TNR: variants seen among roughly 807,000 people sequenced by gnomAD.
TNR encodes tenascin R.
Under a neutral mutation model 150.4 loss-of-function variants are expected in TNR, and 45 were observed. The observed-to-expected ratio is 0.30, with a 90% CI of 0.24 to 0.38. The LOEUF is 0.38. Among genes scored for constraint, TNR ranks in the 10% least tolerant of loss-of-function variants. The probability of loss-of-function intolerance (pLI) is 1.00; values close to 1 mark genes in which losing one functional copy is unlikely to be tolerated. For missense variants in TNR, 1,544 were observed against 1,759.1 expected (o/e 0.88, Z 2.19); for synonymous variants, 687 against 678.4 (o/e 1.01, Z -0.20).
intron 1 of TNR, among the ~76,000 whole-genome samples, chr1:175,710,920 G>C (rs960054339): frequency 6.6e-6 from 1 of 152,110 alleles, no homozygotes; most frequent in Non-Finnish European, 1.5e-5. Context: ...AGCTGACACA[G>C]GCGTGCCTTT....
At position 175,435,416 on chromosome 1, in the gene TNR, G is replaced by A. The variant is rs189825440; in HGVS notation, c.-63-28639C>T. On this transcript the variant is annotated intron_variant, in intron 2 of 22. Transcript: ENST00000367674. ...AGATTGACATTCCATTAACTATGAT[G>A]GGAAAGACCACGGAGGATCAGGTTT... is the stretch of plus-strand genomic sequence containing the variant. Among the ~76,000 whole-genome samples, 190 of 152,320 alleles carry A rather than the reference G, an allele frequency of 1.2e-3. 1 individual carries two copies. The highest frequency in any genetic ancestry group is 3.8e-3 in the African/African-American group (156 of 41,572).
intron 1 of TNR, among the ~76,000 whole-genome samples, chr1:175,589,311 A>C (rs929043336): frequency 6.6e-6 from 1 of 152,176 alleles, no homozygotes; most frequent in African/African-American, 2.4e-5. Flanking sequence ...GGTTTAGATG[A>C]ATTGAACCAA....
intron 1 of TNR, among the ~76,000 whole-genome samples, chr1:175,548,897 T>G (rs1660825911): frequency 6.6e-6 from 1 of 152,208 alleles, no homozygotes; most frequent in Non-Finnish European, 1.5e-5. Context: ...CAGTCAAGGT[T>G]TCTGGAAATT....
intron 1 of TNR, among the ~76,000 whole-genome samples, chr1:175,673,155 A>T (rs975403251): frequency 6.6e-6 from 1 of 152,120 alleles, no homozygotes; most frequent in African/African-American, 2.4e-5. Context: ...TTGTCCCCTC[A>T]ACCTGAATGG....
chr1:175,583,983 G>T (rs555455260), intron 1 of TNR, among the ~76,000 whole-genome samples: 12 of 152,188 alleles, frequency 7.9e-5, no homozygotes, highest in African/African-American at 2.9e-4. Flanking sequence ...TCCAGAAGAC[G>T]TGGAGCTGTG....
At chr1:175,651,690 GA>G (rs1665001495) in intron 1 of TNR, among the ~76,000 whole-genome samples, 1 of 151,958 alleles carries the variant, frequency 6.6e-6, no homozygotes, top group Non-Finnish European at 1.5e-5. Context: ...TCAGAAAACA[GA>G]AAAAGAAAGA....
chr1:175,633,728 A>T (rs1664407489), intron 1 of TNR, among the ~76,000 whole-genome samples: 1 of 152,164 alleles, frequency 6.6e-6, no homozygotes, highest in South Asian at 2.1e-4. Context: ...AAGCAGAGAG[A>T]AGAAGAGAAA....
chr1:175,710,309 G>A (rs1666971439), intron 1 of TNR, among the ~76,000 whole-genome samples: 1 of 152,072 alleles, frequency 6.6e-6, no homozygotes, highest in Non-Finnish European at 1.5e-5. Context: ...GCTCCTGGCT[G>A]GACAGTGAAG....
chr1:175,697,533 C>T (rs763346477), intron 1 of TNR, among the ~76,000 whole-genome samples: 3 of 152,194 alleles, frequency 2.0e-5, no homozygotes, highest in Non-Finnish European at 4.4e-5. Context: ...CCGCCCAGCC[C>T]CCCACAGGTT....
intron 1 of TNR, among the ~76,000 whole-genome samples, chr1:175,532,278 G>A (rs890325253): frequency 6.6e-6 from 1 of 152,318 alleles, no homozygotes; most frequent in Non-Finnish European, 1.5e-5. Flanking sequence ...CACAGCAGTT[G>A]GTTGCTGAAC....
chr1:175,560,584 A>C (rs1487118568), intron 1 of TNR, among the ~76,000 whole-genome samples: 7 of 152,224 alleles, frequency 4.6e-5, no homozygotes, highest in Non-Finnish European at 5.9e-5. Flanking sequence ...AACCCATGCT[A>C]GTTTCTAGTG....
chr1:175,501,826 G>A (rs934955925), intron 2 of TNR, among the ~76,000 whole-genome samples: 6 of 152,080 alleles, frequency 3.9e-5, no homozygotes, highest in African/African-American at 1.4e-4. Flanking sequence ...TTTCAATCAT[G>A]TATTCAACAC....
intron 2 of TNR, among the ~76,000 whole-genome samples, chr1:175,518,879 A>T (rs1317632446): frequency 6.6e-6 from 1 of 152,182 alleles, no homozygotes; most frequent in Non-Finnish European, 1.5e-5. Context: ...AATTGCTACC[A>T]TAACAAATTT....
At chr1:175,726,805 G>A (rs1457909356) in intron 1 of TNR, among the ~76,000 whole-genome samples, 1 of 152,176 alleles carries the variant, frequency 6.6e-6, no homozygotes, top group Non-Finnish European at 1.5e-5. Context: ...TTATTTGATA[G>A]CATGTTATGA....
At chr1:175,458,142 T>C (rs1315799381) in intron 2 of TNR, among the ~76,000 whole-genome samples, 1 of 152,234 alleles carries the variant, frequency 6.6e-6, no homozygotes, top group African/African-American at 2.4e-5. Flanking sequence ...TGCTAGGTAT[T>C]GTAGCAGTAG....
intron 1 of TNR, among the ~76,000 whole-genome samples, chr1:175,600,619 C>G (rs1663197416): frequency 6.6e-6 from 1 of 152,218 alleles, no homozygotes; most frequent in East Asian, 1.9e-4. Flanking sequence ...ATATCCTGCA[C>G]AAAGGTGCCC....
At chr1:175,404,667 C>T (rs1382564761) in intron 3 of TNR, among the ~76,000 whole-genome samples, 1 of 152,216 alleles carries the variant, frequency 6.6e-6, no homozygotes, top group Non-Finnish European at 1.5e-5. Context: ...TTAGCTCTTC[C>T]TTGCAGATTT....
intron 1 of TNR, among the ~76,000 whole-genome samples, chr1:175,535,485 G>T (rs1660241190): frequency 6.6e-6 from 1 of 151,574 alleles, no homozygotes; most frequent in South Asian, 2.1e-4. Flanking sequence ...TTTTGAGACG[G>T]AGTCTCGCTC....
At chr1:175,447,216 T>G (rs1358869027) in intron 2 of TNR, among the ~76,000 whole-genome samples, 5 of 131,458 alleles carry the variant, frequency 3.8e-5, no homozygotes, top group Admixed American at 1.6e-4. Flanking sequence ...AGGGGAGGAG[T>G]GGGTGAGGAG....
Sources: gnomAD v4.1 joint callset for allele counts (sites outside exome capture counted in the v4.1 genomes callset) on GRCh38, gnomAD v4.1.1 for gene constraint, MANE v1.5 for transcripts, NCBI Gene and HGNC (gene_info 2026-07-23, HGNC 2026-07-21) for gene names.